GPC3: variants seen among roughly 807,000 people sequenced by gnomAD.
The protein encoded by GPC3 is glypican-3.
In GPC3, 3 loss-of-function variants were observed where a neutral mutation model predicts 34.4. That is an observed-to-expected ratio of 0.09 (90% confidence interval 0.04 to 0.23). The LOEUF is 0.23. GPC3 is among the 10% of genes least tolerant of loss of function. The pLI is 1.00. For missense variants in GPC3, 351 were observed against 445.6 expected (o/e 0.79, Z 1.91); for synonymous variants, 177 against 174.0 (o/e 1.02, Z -0.13).
intron 2 of GPC3, among the ~76,000 whole-genome samples, chrX:133,916,322 T>G (rs2076224859): frequency 9.0e-6 from 1 of 111,442 alleles, no homozygotes; most frequent in Non-Finnish European, 1.9e-5. Flanking sequence ...CAAGACTTTT[T>G]AAAAAGTATA....
chrX:133,609,637 C>T (rs1218187538), intron 6 of GPC3, among the ~76,000 whole-genome samples: 1 of 112,284 alleles, frequency 8.9e-6, no homozygotes, highest in Non-Finnish European at 1.9e-5. Context: ...TTAACATCTA[C>T]ATATTATTGA....
At chrX:133,584,581 C>T (rs1603175677) in intron 7 of GPC3, among the ~76,000 whole-genome samples, 2 of 112,033 alleles carry the variant, frequency 1.8e-5, no homozygotes, top group Admixed American at 1.9e-4. Context: ...CAGGTTCAAG[C>T]GATTCTCATG....
chrX:133,951,839 T>G (rs1452463783), intron 2 of GPC3, among the ~76,000 whole-genome samples: 1 of 111,843 alleles, frequency 8.9e-6, no homozygotes, highest in Non-Finnish European at 1.9e-5. Flanking sequence ...TCTGAACAAT[T>G]TTCTTAGCTA....
intron 2 of GPC3, among the ~76,000 whole-genome samples, chrX:133,948,317 T>C (rs1168938704): frequency 9.0e-6 from 1 of 110,635 alleles, no homozygotes; most frequent in African/African-American, 3.3e-5. Flanking sequence ...GTCAATTTTA[T>C]TTAGGGGGAG....
intron 2 of GPC3, among the ~76,000 whole-genome samples, chrX:133,830,960 T>C (rs1216293434): frequency 2.7e-5 from 3 of 109,748 alleles, no homozygotes; most frequent in Non-Finnish European, 5.7e-5. Flanking sequence ...AGAACTATCA[T>C]GTGATGGATC....
At chrX:133,599,591 C>T (rs1364836399) in intron 6 of GPC3, among the ~76,000 whole-genome samples, 3 of 111,706 alleles carry the variant, frequency 2.7e-5, no homozygotes, top group Admixed American at 9.5e-5. Flanking sequence ...ATAAACCATT[C>T]TTTGAGAACT....
intron 2 of GPC3, among the ~76,000 whole-genome samples, chrX:133,878,103 C>G (rs752134082): frequency 2.7e-3 from 306 of 111,461 alleles, no homozygotes; most frequent in African/African-American, 9.4e-3. Context: ...TATTTGTAAA[C>G]GCTGAGATAA....
chrX:133,859,670 C>T (rs1420061336), intron 2 of GPC3, among the ~76,000 whole-genome samples: 1 of 112,279 alleles, frequency 8.9e-6, no homozygotes, highest in Non-Finnish European at 1.9e-5. Context: ...ATTCATCACA[C>T]AAATCTATGT....
chrX:133,883,204 C>T (rs1472559531), intron 2 of GPC3, among the ~76,000 whole-genome samples: 1 of 111,479 alleles, frequency 9.0e-6, no homozygotes, highest in Non-Finnish European at 1.9e-5. Context: ...TTATTCTGGG[C>T]CTTTCAATAC....
intron 7 of GPC3, among the ~76,000 whole-genome samples, chrX:133,590,675 A>G (rs1292672762): frequency 2.7e-5 from 3 of 111,875 alleles, no homozygotes; most frequent in Admixed American, 9.5e-5. Flanking sequence ...TGTGTTGAAG[A>G]CCACATGTGG....
chrX:133,982,619 T>C (rs965747894), intron 1 of GPC3, among the ~76,000 whole-genome samples: 2 of 112,295 alleles, frequency 1.8e-5, no homozygotes, highest in Non-Finnish European at 1.9e-5. Context: ...CCAATTCTGC[T>C]AATGGCTGAA....
intron 2 of GPC3, among the ~76,000 whole-genome samples, chrX:133,864,061 G>A (rs776204905): frequency 1.3e-4 from 15 of 111,938 alleles, no homozygotes; most frequent in African/African-American, 4.9e-4. Context: ...TTATCTTTAC[G>A]TGGAGGAAGA....
intron 2 of GPC3, among the ~76,000 whole-genome samples, chrX:133,861,714 C>T (rs2075937040): frequency 9.0e-6 from 1 of 110,634 alleles, no homozygotes; most frequent in Non-Finnish European, 1.9e-5. Context: ...ATACTGAGTT[C>T]TCACGAGATC....
At chrX:133,634,992 C>T (rs1603204676) in intron 6 of GPC3, among the ~76,000 whole-genome samples, 1 of 111,090 alleles carries the variant, frequency 9.0e-6, no homozygotes, top group East Asian at 2.8e-4. Flanking sequence ...CAGTACCTTA[C>T]CAGACTCCTC....
At chrX:133,593,354 T>TA (rs1186766438) in intron 7 of GPC3, among the ~76,000 whole-genome samples, 1,227 of 47,652 alleles carry the variant, frequency 0.026, 13 homozygotes, top group Non-Finnish European at 0.034. Context: ...AAAAAAAAAG[T>TA]AAAAAAAAAA....
At chrX:133,934,191 A>C (rs1160895035) in intron 2 of GPC3, among the ~76,000 whole-genome samples, 1 of 105,880 alleles carries the variant, frequency 9.4e-6, no homozygotes, top group Non-Finnish European at 1.9e-5. Flanking sequence ...TTTTATTTTT[A>C]TTTATTATTC....
At chrX:133,811,604 T>C (rs1051718220) in intron 2 of GPC3, among the ~76,000 whole-genome samples, 2 of 111,958 alleles carry the variant, frequency 1.8e-5, no homozygotes, top group African/African-American at 6.5e-5. Context: ...TTCTGCTTAA[T>C]GGGCACTGAT....
intron 6 of GPC3, among the ~76,000 whole-genome samples, chrX:133,614,407 T>A (rs1307662702): frequency 1.8e-5 from 2 of 110,540 alleles, no homozygotes; most frequent in Non-Finnish European, 3.8e-5. Flanking sequence ...GATTAACAAC[T>A]AATTTCTCAT....
At chrX:133,704,132 G>T in intron 3 of GPC3, 1 of 591,387 alleles carries the variant, frequency 1.7e-6, no homozygotes, top group Non-Finnish European at 2.4e-6. Flanking sequence ...AGGAAACCTG[G>T]CCTACCACCC....
Sources: allele counts gnomAD v4.1 joint callset (sites outside exome capture counted in the v4.1 genomes callset), GRCh38; gene constraint gnomAD v4.1.1; transcripts MANE v1.5; gene names NCBI Gene and HGNC (gene_info 2026-07-23, HGNC 2026-07-21).